Variants in CAMLG observed in about 807,000 individuals in gnomAD.
CAMLG encodes calcium modulating ligand.
A neutral mutation model predicts 28.9 loss-of-function variants in CAMLG; 23 were observed. The observed-to-expected ratio is 0.80, with a 90% CI of 0.57 to 1.13. The LOEUF (loss-of-function observed/expected upper bound fraction) is 1.13, where lower values mean the gene tolerates loss of function less well. CAMLG is among the 50% of genes most tolerant of loss of function. CAMLG has a pLI of 0.00. For synonymous variants in CAMLG, 141 were observed against 146.5 expected (o/e 0.96, Z 0.27); for missense variants, 367 against 371.9 (o/e 0.99, Z 0.11).
rs992259891 is a variant in CAMLG at position 134,747,487 on chromosome 5, G to A, written c.700-3272G>A. Among the ~76,000 whole-genome samples the A allele has an allele frequency of 7.9e-5, 12 of 152,202 alleles. No homozygotes were observed. In the South Asian group the frequency reaches 8.3e-4, roughly 11 times the overall value. ...GCTTCCCAAGTAGCTGGGACTACAG[G>A]CGCCCGCCATCACGGCCGGCTAATT... On this transcript the variant is annotated intron_variant, in intron 3 of 3. Transcript: ENST00000297156.
intron 1 of CAMLG, 105 bp from the exon 2 acceptor site, chr5:134,740,958 G>T: frequency 1.4e-6 from 1 of 726,676 alleles, no homozygotes. Context: ...TTTTGATGCA[G>T]AGGCTGCTGA....
At position 134,744,046 on chromosome 5, in the gene CAMLG, TC is replaced by T; in HGVS notation, c.696del (p.Lys233ArgfsTer6). 1 of 1,377,668 alleles carries T rather than the reference TC, an allele frequency of 7.3e-7. No individual in the cohort carries two copies. Among genetic ancestry groups the T allele is most frequent in the Non-Finnish European group, 1.0e-6 (1 of 969,830 alleles). The allele number at this position is 1,377,668 out of a possible 1,614,324, so 85.3% of individuals were successfully genotyped here. A position where few individuals can be genotyped will look rare whatever the true frequency, so the allele number is the denominator to read the frequency against. ...LAYMGLYKYFPKSEKKIKTTV... is the reference protein window; with the variant it reads ...LAYMGLYKYFXKSEKKIKTTV... The stretch of plus-strand genomic sequence containing the variant: ...CGTACATGGGATTATACAAATATTT[TC>T]CCAAGGTAAATTAATTTTTTTTCTA... On this transcript the variant is annotated frameshift_variant, in exon 3 of 4. Transcript: ENST00000297156. LOFTEE classifies it high-confidence loss of function.
Position 134,738,815 on chromosome 5 carries a change from A to G in CAMLG, c.172+23A>G, listed in dbSNP as rs781748113. 3 of 1,612,178 alleles carry G rather than the reference A, an allele frequency of 1.9e-6. No homozygotes were observed. In the Admixed American group the frequency reaches 5.0e-5, roughly 27 times the overall value. On this transcript the variant is annotated intron_variant, in intron 1 of 3. Transcript: ENST00000297156. ...CGGGTAAGAGCCTCGATTTCCCCTC[A>G]GTCTCCCGCCCATCACCTTGAATCT...
chr5:134,745,587 A>C (rs1333418969), intron 3 of CAMLG, among the ~76,000 whole-genome samples: 2 of 151,822 alleles, frequency 1.3e-5, no homozygotes, highest in Non-Finnish European at 1.5e-5. Context: ...CCCCATCTCT[A>C]CTAAAAATAT....
At chr5:134,740,077 G>A (rs899581226) in intron 1 of CAMLG, among the ~76,000 whole-genome samples, 7 of 152,016 alleles carry the variant, frequency 4.6e-5, no homozygotes, top group Non-Finnish European at 8.8e-5. Flanking sequence ...AGATGGGGGG[G>A]TCTCACTATG....
rs1752975895 is a variant in CAMLG, at chr5:134,741,053, C to G, written c.173-10C>G. 1.3e-6 allele frequency: 2 copies of G among 1,590,422 alleles called. No homozygotes were observed. The highest frequency in any genetic ancestry group is 2.2e-5 in the South Asian group (2 of 90,558). On this transcript the variant is annotated splice_polypyrimidine_tract_variant and intron_variant, in intron 1 of 3. Transcript: ENST00000297156. ...ATAAATACATAAGGCTTTTACATTT[C>G]TTTTCTCAGAAGAAGAAAGTCAAAC...
intron 3 of CAMLG, among the ~76,000 whole-genome samples, chr5:134,747,306 C>T (rs1031381087): frequency 1.3e-5 from 2 of 151,996 alleles, no homozygotes; most frequent in Admixed American, 6.6e-5. Context: ...TATACCTCAC[C>T]CCTCTTACAT....
rs1033665130 is a variant in CAMLG, at chr5:134,738,556, A to G, written c.-65A>G. 12 of 1,381,714 alleles carry G rather than the reference A, an allele frequency of 8.7e-6. No homozygotes were observed. The highest frequency in any genetic ancestry group is 2.6e-4 in the Middle Eastern group (1 of 3,854). 85.6% of individuals were successfully genotyped at this position (1,381,714 alleles called of 1,614,324 possible). On this transcript the variant is annotated 5_prime_UTR_variant, in exon 1 of 4. Transcript: ENST00000297156. ...GCGCCCTGCGGCCCGGCCTCTAGTC[A>G]TCGCCCTCGCAGCGGCGGCCAACAT...
At chr5:134,747,960 C>T (rs1027084859) in intron 3 of CAMLG, among the ~76,000 whole-genome samples, 1 of 151,532 alleles carries the variant, frequency 6.6e-6, no homozygotes, top group Non-Finnish European at 1.5e-5. Flanking sequence ...CTCCCAGGTT[C>T]AAGCGATTCC....
At position 134,741,139 on chromosome 5, in the gene CAMLG, GC is replaced by G; in HGVS notation, c.250del (p.Arg84GlufsTer2). 1 of 1,614,140 alleles carries G rather than the reference GC, an allele frequency of 6.2e-7. No homozygotes were observed. Among genetic ancestry groups the G allele is most frequent in the East Asian group, 2.2e-5 (1 of 44,888 alleles). Reference protein sequence around the residue: ...NSLSVPSVSKRVVLGDSVSTG... With the variant: ...NSLSVPSVSKXVVLGDSVSTG... Reference sequence around the variant, plus strand: ...CCCTCAGCGTTCCTTCCGTTTCAAAGCGAGTAGTGCTGGGTGATTCAGTCAG... The same window carrying G: ...CCCTCAGCGTTCCTTCCGTTTCAAAGGAGTAGTGCTGGGTGATTCAGTCAG... On this transcript the variant is annotated frameshift_variant, in exon 2 of 4. Transcript: ENST00000297156. LOFTEE classifies it high-confidence loss of function.
intron 3 of CAMLG, among the ~76,000 whole-genome samples, chr5:134,747,743 G>T (rs1436507474): frequency 6.6e-6 from 1 of 151,084 alleles, no homozygotes; most frequent in Admixed American, 6.6e-5. Flanking sequence ...CCAGGTTCAA[G>T]CGATTCTTCC....
At position 134,738,750 on chromosome 5, in the gene CAMLG, A is replaced by G. The variant is rs746285572; in HGVS notation, c.130A>G (p.Ile44Val). Reference sequence around the variant, plus strand: ...GCTGCTCATGAACTCGGAACAGCGCATCAACCGGATCATGGGCTTTCACAG... The same window carrying G: ...GCTGCTCATGAACTCGGAACAGCGCGTCAACCGGATCATGGGCTTTCACAG... ...RKLLMNSEQR[I>V]NRIMGFHRPG... The change falls in exon 1 of 4, where the codon ATC (isoleucine) becomes GTC (valine). Residue 44 changes from isoleucine to valine, a missense_variant. Ile to Val is a conservative substitution (Grantham distance 29, BLOSUM62 3). Coordinates refer to ENST00000297156, the MANE Select transcript of CAMLG (RefSeq NM_001745.4). 1 of 1,614,146 alleles carries G rather than the reference A, an allele frequency of 6.2e-7. No homozygotes were observed. Among genetic ancestry groups the G allele is most frequent in the South Asian group, 1.1e-5 (1 of 91,084 alleles).
rs1008162155 is a variant in CAMLG at position 134,751,090 on chromosome 5, T to C, written c.*140T>C. The C allele has an allele frequency of 3.5e-5, 20 of 574,664 alleles. No individual in the cohort carries two copies. The highest frequency in any genetic ancestry group is 3.2e-4 in the African/African-American group (17 of 53,960). The allele number at this position is 574,664 out of a possible 1,614,324, so 35.6% of individuals were successfully genotyped here. Reference sequence around the variant, plus strand: ...GGGGTTGTAAAGCTACTTTATTAGATATAGAATGGCAGATTCTCTGATTTA... The same window carrying C: ...GGGGTTGTAAAGCTACTTTATTAGACATAGAATGGCAGATTCTCTGATTTA... On this transcript the variant is annotated 3_prime_UTR_variant, in exon 4 of 4. Coordinates refer to ENST00000297156, the MANE Select transcript of CAMLG (RefSeq NM_001745.4).
Position 134,738,750 on chromosome 5 carries a change from A to T in CAMLG, c.130A>T (p.Ile44Phe). The T allele has an allele frequency of 6.2e-7, 1 of 1,614,146 alleles. No homozygotes were observed. ...GCTGCTCATGAACTCGGAACAGCGC[A>T]TCAACCGGATCATGGGCTTTCACAG... Reference protein sequence around the residue: ...RKLLMNSEQRINRIMGFHRPG... With the variant: ...RKLLMNSEQRFNRIMGFHRPG... The change falls in exon 1 of 4, where the codon ATC becomes TTC. Residue 44 changes from isoleucine (I) to phenylalanine (F), a missense_variant. Coordinates refer to ENST00000297156, the MANE Select transcript of CAMLG (RefSeq NM_001745.4).
intron 3 of CAMLG, among the ~76,000 whole-genome samples, chr5:134,748,025 C>T (rs1185401321): frequency 6.6e-6 from 1 of 151,442 alleles, no homozygotes; most frequent in Admixed American, 6.6e-5. Context: ...CCACACCTGG[C>T]TAATTTTTTT....
At chr5:134,747,701 G>T (rs908684217) in intron 3 of CAMLG, among the ~76,000 whole-genome samples, 16 of 151,170 alleles carry the variant, frequency 1.1e-4, no homozygotes, top group Admixed American at 2.0e-4. Flanking sequence ...GAGTGCAGTG[G>T]CACAATCTTG....
Position 134,738,603 on chromosome 5 carries a change from C to T in CAMLG, c.-18C>T. 1 of 1,601,652 alleles carries T rather than the reference C, an allele frequency of 6.2e-7. No individual in the cohort carries two copies. The highest frequency in any genetic ancestry group is 8.5e-7 in the Non-Finnish European group (1 of 1,174,950). ...ACATCACCGCCACTGCCACCCCTCCCAGACTGTGGACGGGAGGATGGAGTC... is the reference window on the plus strand; with the variant it reads ...ACATCACCGCCACTGCCACCCCTCCTAGACTGTGGACGGGAGGATGGAGTC... On this transcript the variant is annotated 5_prime_UTR_variant, in exon 1 of 4. Transcript: ENST00000297156.
chr5:134,747,825 A>G (rs2150122225), intron 3 of CAMLG, among the ~76,000 whole-genome samples: 1 of 151,056 alleles, frequency 6.6e-6, no homozygotes, highest in Non-Finnish European at 1.5e-5. Context: ...TAATTTTAGT[A>G]GAGACGGGGT....
chr5:134,744,673 A>C (rs902579827), intron 3 of CAMLG, among the ~76,000 whole-genome samples: 9 of 152,206 alleles, frequency 5.9e-5, no homozygotes, highest in Admixed American at 1.3e-4. Flanking sequence ...CAAAGTATTA[A>C]ATTTAATTAG....
Sources: allele counts gnomAD v4.1 joint callset (sites outside exome capture counted in the v4.1 genomes callset), GRCh38; gene constraint gnomAD v4.1.1; transcripts MANE v1.5; gene names NCBI Gene and HGNC (gene_info 2026-07-23, HGNC 2026-07-21).